COL26A1: variants seen among roughly 807,000 people sequenced by gnomAD.
The protein encoded by COL26A1 is collagen type XXVI alpha 1 chain.
A neutral mutation model predicts 59.3 loss-of-function variants in COL26A1; 41 were observed. The ratio of observed to expected loss-of-function variants is 0.69; its 90% confidence interval spans 0.54 to 0.90. The LOEUF (loss-of-function observed/expected upper bound fraction) is 0.90. COL26A1 is among the 40% of genes least tolerant of loss of function. The pLI is 0.00. For synonymous variants in COL26A1, 266 were observed against 256.0 expected (o/e 1.04, Z -0.37); for missense variants, 612 against 602.3 (o/e 1.02, Z -0.17).
At chr7:101,522,471 T>C (rs1283337806) in intron 3 of COL26A1, among the ~76,000 whole-genome samples, 1 of 152,214 alleles carries the variant, frequency 6.6e-6, no homozygotes, top group Non-Finnish European at 1.5e-5. Context: ...AGGCATCTGG[T>C]GAGGCTTCCT....
intron 3 of COL26A1, among the ~76,000 whole-genome samples, chr7:101,500,536 G>A (rs1177603248): frequency 6.6e-6 from 1 of 152,178 alleles, no homozygotes; most frequent in Non-Finnish European, 1.5e-5. Flanking sequence ...TAAAATACCG[G>A]ACCGGGCGCG....
intron 3 of COL26A1, among the ~76,000 whole-genome samples, chr7:101,471,068 A>G (rs184995547): frequency 6.6e-6 from 1 of 152,232 alleles, no homozygotes; most frequent in African/African-American, 2.4e-5. Context: ...TTATTATACC[A>G]CAGACACAGA....
At chr7:101,481,025 A>G (rs1794143394) in intron 3 of COL26A1, among the ~76,000 whole-genome samples, 1 of 151,974 alleles carries the variant, frequency 6.6e-6, no homozygotes, top group Non-Finnish European at 1.5e-5. Flanking sequence ...TTTCTGGATA[A>G]ATGCTAGTGA....
At chr7:101,400,145 C>T (rs562993814) in intron 1 of COL26A1, among the ~76,000 whole-genome samples, 6 of 152,168 alleles carry the variant, frequency 3.9e-5, no homozygotes, top group African/African-American at 1.4e-4. Context: ...GAGTAGGTGG[C>T]CCTCAGGGAG....
chr7:101,550,288 C>T (rs1795832744), intron 9 of COL26A1, among the ~76,000 whole-genome samples: 1 of 149,352 alleles, frequency 6.7e-6, no homozygotes, highest in African/African-American at 2.5e-5. Flanking sequence ...TAGCAAGACC[C>T]CATCTCTATA....
chr7:101,511,576 C>T, intron 3 of COL26A1, among the ~76,000 whole-genome samples: 1 of 152,226 alleles, frequency 6.6e-6, no homozygotes, highest in East Asian at 1.9e-4. Flanking sequence ...CCAAGCGCCA[C>T]ACGTGGACAA....
At chr7:101,372,227 G>A (rs1356647177) in intron 1 of COL26A1, among the ~76,000 whole-genome samples, 4 of 152,074 alleles carry the variant, frequency 2.6e-5, no homozygotes, top group African/African-American at 4.8e-5. Flanking sequence ...GTGCAGTGGT[G>A]CGATCTTGGC....
chr7:101,531,225 C>T (rs1390188922), intron 3 of COL26A1, among the ~76,000 whole-genome samples: 1 of 152,200 alleles, frequency 6.6e-6, no homozygotes, highest in Non-Finnish European at 1.5e-5. Flanking sequence ...CCCGCCTTGG[C>T]CTCCCAAAGT....
At chr7:101,396,935 C>T (rs2130175148) in intron 1 of COL26A1, among the ~76,000 whole-genome samples, 1 of 152,240 alleles carries the variant, frequency 6.6e-6, no homozygotes, top group South Asian at 2.1e-4. Context: ...GTGGGGTGCT[C>T]CTTCAGCAGC....
intron 4 of COL26A1, among the ~76,000 whole-genome samples, chr7:101,538,296 G>A (rs555911887): frequency 7.9e-5 from 12 of 152,306 alleles, no homozygotes; most frequent in African/African-American, 2.6e-4. Context: ...CTTCACTGCC[G>A]TGTGATCTGA....
rs191183691 is a variant in COL26A1, at chr7:101,496,921, C to T, written c.386-36161C>T. Among the ~76,000 whole-genome samples, 686 of 150,990 alleles carry T rather than the reference C, an allele frequency of 4.5e-3. 4 individuals carry two copies. Among genetic ancestry groups the T allele is most frequent in the Middle Eastern group, 6.9e-3 (2 of 288 alleles). ...AAGAATTCAGGGTGAGTCTGTAAAGCGAAAGTAAGTTTATTAAGAAAGTAG... is the reference window on the plus strand; with the variant it reads ...AAGAATTCAGGGTGAGTCTGTAAAGTGAAAGTAAGTTTATTAAGAAAGTAG... On this transcript the variant is annotated intron_variant, in intron 3 of 12. Coordinates refer to ENST00000313669, the MANE Select transcript of COL26A1 (RefSeq NM_001278563.3).
chr7:101,458,008 T>C (rs1439699919), intron 3 of COL26A1, among the ~76,000 whole-genome samples: 1 of 151,544 alleles, frequency 6.6e-6, no homozygotes, highest in African/African-American at 2.4e-5. Context: ...GCGATTCTCC[T>C]GCCTCAGCCT....
chr7:101,376,021 C>T (rs1233140426), intron 1 of COL26A1, among the ~76,000 whole-genome samples: 1 of 147,960 alleles, frequency 6.8e-6, no homozygotes. Context: ...ATTAGCCAGG[C>T]ACGGTGATGT....
chr7:101,399,075 G>A (rs551905338), intron 1 of COL26A1, among the ~76,000 whole-genome samples: 72 of 152,136 alleles, frequency 4.7e-4, no homozygotes, highest in Admixed American at 2.0e-3. Flanking sequence ...GAGGACGAGG[G>A]AGGAGGATTG....
At chr7:101,483,799 C>T (rs1036442647) in intron 3 of COL26A1, among the ~76,000 whole-genome samples, 20 of 152,066 alleles carry the variant, frequency 1.3e-4, no homozygotes, top group Admixed American at 8.5e-4. Flanking sequence ...CTCAGCCTCC[C>T]GAGTAGCTGG....
chr7:101,526,341 T>C (rs1469229673), intron 3 of COL26A1, among the ~76,000 whole-genome samples: 4 of 152,144 alleles, frequency 2.6e-5, no homozygotes, highest in Non-Finnish European at 5.9e-5. Flanking sequence ...AAGCCACTGC[T>C]CCCAGCCTTC....
intron 2 of COL26A1, among the ~76,000 whole-genome samples, chr7:101,425,814 C>T (rs1271497024): frequency 6.7e-6 from 1 of 149,060 alleles, no homozygotes; most frequent in African/African-American, 2.5e-5. Context: ...GCCCCCAGTG[C>T]TTCTTAGCAT....
intron 1 of COL26A1, among the ~76,000 whole-genome samples, chr7:101,414,381 C>CCT (rs35093515): frequency 0.43 from 62,739 of 145,360 alleles, 14,899 homozygotes; most frequent in Middle Eastern, 0.57. Context: ...AGGAAAGTCA[C>CCT]CTCTCTCTCT....
chr7:101,521,607 G>A (rs117969969), intron 3 of COL26A1, among the ~76,000 whole-genome samples: 9 of 152,270 alleles, frequency 5.9e-5, no homozygotes, highest in East Asian at 5.8e-4. Context: ...ACAGAGCATG[G>A]CAAGTAGGCC....
Sources: gnomAD v4.1 joint callset for allele counts (sites outside exome capture counted in the v4.1 genomes callset) on GRCh38, gnomAD v4.1.1 for gene constraint, MANE v1.5 for transcripts, NCBI Gene and HGNC (gene_info 2026-07-23, HGNC 2026-07-21) for gene names.